The following AGBL1 variants were observed in gnomAD, a reference collection of about 807,000 sequenced individuals.
AGBL1 encodes AGBL carboxypeptidase 1.
Under a neutral mutation model 118.9 loss-of-function variants are expected in AGBL1, and 130 were observed. The observed-to-expected ratio is 1.09, with a 90% CI of 0.95 to 1.26. The LOEUF (loss-of-function observed/expected upper bound fraction) is 1.26, where lower values mean the gene tolerates loss of function less well. Ranked by LOEUF, AGBL1 falls within the 50% of genes most tolerant of loss-of-function variation. AGBL1 has a pLI of 0.00. For missense variants in AGBL1, 1,584 were observed against 1,298.1 expected, an observed-to-expected ratio of 1.22 and a Z score of -3.38; for synonymous variants, 555 against 478.9, an observed-to-expected ratio of 1.16 and a Z score of -2.08.
chr15:86,692,292 G>A (rs1306206056), intron 22 of AGBL1, among the ~76,000 whole-genome samples: 4 of 152,054 alleles, frequency 2.6e-5, no homozygotes, highest in Admixed American at 6.6e-5. Context: ...TGGCAAAGGC[G>A]TAATTGAGGA....
intron 24 of AGBL1, among the ~76,000 whole-genome samples, chr15:87,023,410 C>T (rs944113174): frequency 1.3e-5 from 2 of 151,918 alleles, no homozygotes; most frequent in South Asian, 2.1e-4. Context: ...TGATAAAAGG[C>T]CTTGTCCAAC....
intron 7 of AGBL1, among the ~76,000 whole-genome samples, chr15:86,254,039 A>G (rs1250237393): frequency 2.0e-5 from 3 of 152,226 alleles, no homozygotes; most frequent in African/African-American, 7.2e-5. Context: ...CTTTGGCTAC[A>G]TAGAAGCAGA....
rs560298100 is a variant in AGBL1, at chr15:86,391,554, A to G, written c.2375-5812A>G. Among the ~76,000 whole-genome samples, 20 of 146,796 alleles carry G rather than the reference A, an allele frequency of 1.4e-4. No homozygotes were observed. The East Asian group carries it at 3.8e-3, about 28-fold the overall frequency. On this transcript the variant is annotated intron_variant, in intron 17 of 22. Coordinates refer to ENST00000614907, the MANE Select transcript of AGBL1 (RefSeq NM_001386094.1). ...TGAAATCAAACCTGCTCTCCTGGCC[A>G]TTTCTTCTACCCCTTAATCCCACTA...
intron 21 of AGBL1, among the ~76,000 whole-genome samples, chr15:86,559,938 C>G (rs1488026707): frequency 1.3e-5 from 2 of 152,036 alleles, no homozygotes; most frequent in African/African-American, 2.4e-5. Flanking sequence ...AACAGGTGAG[C>G]CACTTAACCT....
intron 15 of AGBL1, among the ~76,000 whole-genome samples, chr15:86,273,155 T>TG (rs11398325): frequency 0.73 from 111,003 of 152,102 alleles, 41,422 homozygotes; most frequent in African/African-American, 0.88. Context: ...AAATTCCAGT[T>TG]GAGGATGCTC....
At chr15:86,157,252 A>G (rs1302090823) in intron 4 of AGBL1, among the ~76,000 whole-genome samples, 2 of 152,176 alleles carry the variant, frequency 1.3e-5, no homozygotes, top group East Asian at 1.9e-4. Flanking sequence ...ACCAGAGAGC[A>G]TTAGGGAAAG....
At chr15:86,930,536 T>A (rs533639226) in intron 23 of AGBL1, among the ~76,000 whole-genome samples, 12 of 152,258 alleles carry the variant, frequency 7.9e-5, no homozygotes, top group Admixed American at 1.3e-4. Context: ...TCAATTTGAC[T>A]GCTATTTAAT....
intron 17 of AGBL1, among the ~76,000 whole-genome samples, chr15:86,344,313 G>A (rs1011020166): frequency 6.6e-6 from 1 of 152,144 alleles, no homozygotes; most frequent in Non-Finnish European, 1.5e-5. Context: ...AGCTTCCTTT[G>A]GGAGGTGAGT....
intron 22 of AGBL1, among the ~76,000 whole-genome samples, chr15:86,804,250 G>A (rs1468491321): frequency 3.3e-5 from 5 of 152,140 alleles, no homozygotes; most frequent in Non-Finnish European, 7.3e-5. Flanking sequence ...CATCTGTTAA[G>A]TGCATGTTCT....
In AGBL1 at chr15:86,224,933, G is replaced by A. The variant is rs752268070; in HGVS notation, c.508G>A (p.Ala170Thr). The A allele has an allele frequency of 1.9e-6, 3 of 1,613,268 alleles. No homozygotes were observed. The highest frequency in any genetic ancestry group is 2.5e-6 in the Non-Finnish European group (3 of 1,179,532). Residue 170 changes from alanine to threonine, a missense_variant, in exon 6 of 23, where the codon GCA (alanine) becomes ACA (threonine). Physicochemically the swap from Ala to Thr is moderately conservative, Grantham distance 58. Transcript: ENST00000614907. ...CCCCAGGGCAGCCACTGAAGTTTTG[G>A]CAGCATTGCTGAAATCCAGTAAGCA... ...QAIRAATEVL[A>T]ALLKSKSNGR...
intron 13 of AGBL1, among the ~76,000 whole-genome samples, chr15:86,267,912 A>C (rs1221206936): frequency 6.6e-6 from 1 of 152,182 alleles, no homozygotes; most frequent in African/African-American, 2.4e-5. Flanking sequence ...GGGTAACTTC[A>C]TCACCTTCCA....
At chr15:86,443,870 ACT>A (rs1288721074) in intron 18 of AGBL1, among the ~76,000 whole-genome samples, 3 of 151,690 alleles carry the variant, frequency 2.0e-5, no homozygotes, top group Non-Finnish European at 4.4e-5. Context: ...ACTTGGGTTG[ACT>A]CCTCTATATC....
intron 15 of AGBL1, among the ~76,000 whole-genome samples, chr15:86,272,331 A>G (rs1314261715): frequency 6.6e-6 from 1 of 152,196 alleles, no homozygotes; most frequent in Non-Finnish European, 1.5e-5. Context: ...TAGATTGCTT[A>G]TATGTACATT....
chr15:86,828,313 T>C (rs921443614), intron 22 of AGBL1, among the ~76,000 whole-genome samples: 1 of 152,042 alleles, frequency 6.6e-6, no homozygotes, highest in African/African-American at 2.4e-5. Context: ...CCCCCAAATA[T>C]GTCCATGTCA....
At chr15:86,368,484 C>A (rs2080924591) in intron 17 of AGBL1, among the ~76,000 whole-genome samples, 1 of 151,976 alleles carries the variant, frequency 6.6e-6, no homozygotes, top group Non-Finnish European at 1.5e-5. Context: ...CTCAAAGTGA[C>A]AAATGAAGAA....
chr15:86,993,330 AATACCAACTATATATTGG>A (rs2081350808), intron 24 of AGBL1, among the ~76,000 whole-genome samples: 1 of 152,212 alleles, frequency 6.6e-6, no homozygotes, highest in African/African-American at 2.4e-5. Flanking sequence ...ACTTCTATTG[AATACCAACTATATATTGG>A]ACACTGTGAT....
rs1416771822 is a variant in AGBL1 at position 86,615,330 on chromosome 15, G to C, written c.2995-58943G>C. 6.6e-6 allele frequency among the ~76,000 whole-genome samples: 1 copy of C among 152,176 alleles called. No individual in the cohort carries two copies. The highest frequency in any genetic ancestry group is 1.5e-5 in the Non-Finnish European group (1 of 68,010). ...GGACTGTGGTAAAGACTAGAGTGGAGGAATGGGATATGGGAACACATCTGA... is the reference window on the plus strand; with the variant it reads ...GGACTGTGGTAAAGACTAGAGTGGACGAATGGGATATGGGAACACATCTGA... On this transcript the variant is annotated intron_variant, in intron 21 of 22. Coordinates refer to ENST00000614907, the MANE Select transcript of AGBL1 (RefSeq NM_001386094.1). This position sits in a 1 kb window ranked among gnomAD's most constrained non-coding sequence, Gnocchi z 4.3.
At chr15:86,454,612 C>T (rs576990397) in intron 18 of AGBL1, among the ~76,000 whole-genome samples, 1 of 152,244 alleles carries the variant, frequency 6.6e-6, no homozygotes, top group South Asian at 2.1e-4. Context: ...GGATGAACCT[C>T]ACTGACATGA....
intron 18 of AGBL1, among the ~76,000 whole-genome samples, chr15:86,461,180 C>T (rs1260442241): frequency 3.3e-5 from 5 of 152,110 alleles, no homozygotes; most frequent in African/African-American, 9.7e-5. Context: ...GCCCCAGCTG[C>T]CTCTACCATG....
Sources: gnomAD v4.1 joint callset for allele counts (sites outside exome capture counted in the v4.1 genomes callset) on GRCh38, gnomAD v4.1.1 for gene constraint, Gnocchi (gnomAD v3.1) non-coding constraint, MANE v1.5 for transcripts, NCBI Gene and HGNC (gene_info 2026-07-23, HGNC 2026-07-21) for gene names.